The following PHEX variants were observed in gnomAD, a reference collection of about 807,000 sequenced individuals.
PHEX encodes the protein phosphate-regulating neutral endopeptidase PHEX.
PHEX carries 16 observed loss-of-function variants against 68.0 expected under a neutral mutation model. That is an observed-to-expected ratio of 0.24 (90% CI 0.16 to 0.36). The LOEUF is 0.36. Among genes scored for constraint, PHEX ranks in the 10% least tolerant of loss-of-function variants. PHEX has a pLI of 1.00. For synonymous variants in PHEX, 208 were observed against 205.1 expected (o/e 1.01, Z -0.12); for missense variants, 480 against 575.5 (o/e 0.83, Z 1.70).
chrX:22,230,927 C>A (rs1156269833), intron 20 of PHEX, among the ~76,000 whole-genome samples: 1 of 111,733 alleles, frequency 8.9e-6, no homozygotes, highest in Admixed American at 9.5e-5. Flanking sequence ...TCATAAATAG[C>A]TCTTCCAATT....
At chrX:22,037,654 G>A (rs1927087741) in intron 1 of PHEX, among the ~76,000 whole-genome samples, 1 of 110,790 alleles carries the variant, frequency 9.0e-6, no homozygotes, top group South Asian at 3.8e-4. Flanking sequence ...GTGGGGGAAG[G>A]GAGGAAATAG....
At chrX:22,196,424 A>G (rs916598596) in intron 15 of PHEX, among the ~76,000 whole-genome samples, 30 of 111,902 alleles carry the variant, frequency 2.7e-4, no homozygotes, top group African/African-American at 9.1e-4. Flanking sequence ...CTTTGTTGCA[A>G]TTTCTCAACT....
intron 5 of PHEX, among the ~76,000 whole-genome samples, chrX:22,089,182 T>A (rs891265347): frequency 9.9e-5 from 11 of 111,003 alleles, no homozygotes; most frequent in Non-Finnish European, 2.1e-4. Flanking sequence ...CCGCCACACC[T>A]GGCTCATTTT....
chrX:22,066,161 G>A (rs748562473), intron 3 of PHEX, among the ~76,000 whole-genome samples: 11 of 111,842 alleles, frequency 9.8e-5, no homozygotes, highest in Admixed American at 1.9e-4. Context: ...ATGGGAAGGC[G>A]TTTGTAAATG....
chrX:22,092,669 G>A lies in PHEX; in HGVS notation c.733-1314G>A, dbSNP rs747364044. ...ATTACAAGTGTGAGCCACCACCTCC[G>A]GCCAATAAATATGTTTTGAATTGAA... On this transcript the variant is annotated intron_variant, in intron 6 of 21. Coordinates refer to ENST00000379374, the MANE Select transcript of PHEX (RefSeq NM_000444.6). 1.1e-4 allele frequency among the ~76,000 whole-genome samples: 12 copies of A among 109,465 alleles called. No homozygotes were observed. The East Asian group carries it at 1.7e-3, about 16-fold the overall frequency.
Position 22,178,254 on chromosome X carries a change from T to C in PHEX, c.1483-19T>C. 9.5e-7 allele frequency: 1 copy of C among 1,047,495 alleles called. No homozygotes were observed. Among genetic ancestry groups the C allele is most frequent in the Admixed American group, 2.2e-5 (1 of 45,370 alleles). The allele number at this position is 1,047,495 out of a possible 1,213,427, so 86.3% of individuals were successfully genotyped here. A position where few individuals can be genotyped will look rare whatever the true frequency, so the allele number is the denominator to read the frequency against. ...TTATCTTTACTTAGAACAATGATGT[T>C]GTGGTTTGTTTTATTCAGATCAAGT... is the stretch of plus-strand genomic sequence containing the variant. On this transcript the variant is annotated intron_variant, in intron 13 of 21. Coordinates refer to ENST00000379374, the MANE Select transcript of PHEX (RefSeq NM_000444.6).
intron 9 of PHEX, among the ~76,000 whole-genome samples, chrX:22,106,342 G>A (rs1184710359): frequency 1.8e-5 from 2 of 111,751 alleles, no homozygotes; most frequent in African/African-American, 6.5e-5. Flanking sequence ...GCAGAGGTCT[G>A]GTTGTTATGC....
chrX:22,247,743 T>C, intron 21 of PHEX, 108 bp from the exon 22 acceptor site: 1 of 600,894 alleles, frequency 1.7e-6, no homozygotes, highest in Non-Finnish European at 2.8e-6. Flanking sequence ...TGTAAACAGA[T>C]TAAAAGAATG....
intron 18 of PHEX, among the ~76,000 whole-genome samples, chrX:22,224,593 G>A (rs1178456356): frequency 2.7e-5 from 3 of 111,033 alleles, no homozygotes; most frequent in Non-Finnish European, 5.7e-5. Context: ...GGATCTGGTG[G>A]GATATCGACA....
chrX:22,127,873 A>G (rs996072543), intron 11 of PHEX, among the ~76,000 whole-genome samples: 13 of 108,690 alleles, frequency 1.2e-4, no homozygotes, highest in African/African-American at 3.7e-4. Flanking sequence ...GTGTGGATTC[A>G]GGGAAGACAG....
At position 22,219,224 on chromosome X, in the gene PHEX, A is replaced by G. The variant is rs1935189819; in HGVS notation, c.1768+121A>G. ...CATAGCTTGAAGATTATCCAAAGCA[A>G]TATGATTGCTGATTGAAAACTTTTC... On this transcript the variant is annotated intron_variant, in intron 17 of 21. Coordinates refer to ENST00000379374, the MANE Select transcript of PHEX (RefSeq NM_000444.6). 22 of 537,763 alleles carry G rather than the reference A, an allele frequency of 4.1e-5. 1 individual carries two copies. The South Asian group carries it at 6.1e-4, about 15-fold the overall frequency. The allele number at this position is 537,763 out of a possible 1,213,427, so 44.3% of individuals were successfully genotyped here. A position where few individuals can be genotyped will look rare whatever the true frequency, so the allele number is the denominator to read the frequency against.
intron 15 of PHEX, among the ~76,000 whole-genome samples, chrX:22,207,361 A>G (rs952470778): frequency 1.8e-5 from 2 of 112,555 alleles, no homozygotes; most frequent in Non-Finnish European, 3.8e-5. Context: ...ATGCAAGAAC[A>G]AAATAATACT....
At chrX:22,234,915 A>G (rs993734578) in intron 20 of PHEX, among the ~76,000 whole-genome samples, 2 of 111,219 alleles carry the variant, frequency 1.8e-5, no homozygotes, top group Non-Finnish European at 3.8e-5. Context: ...CCAAATGGCC[A>G]CCCAGTTTTG....
At chrX:22,089,205 A>ACT in intron 5 of PHEX, among the ~76,000 whole-genome samples, 1 of 111,040 alleles carries the variant, frequency 9.0e-6, no homozygotes, top group African/African-American at 3.3e-5. Context: ...TATTTTTAGT[A>ACT]GAGACTGGGT....
chrX:22,098,632 C>CA lies in PHEX; in HGVS notation c.934-358dup, dbSNP rs778559963. 8.3e-3 allele frequency among the ~76,000 whole-genome samples: 585 copies of CA among 70,276 alleles called. 3 individuals are homozygous for CA. Among genetic ancestry groups the CA allele is most frequent in the African/African-American group, 0.023 (444 of 19,113 alleles). 61.0% of individuals were successfully genotyped at this position (70,276 alleles called of 115,157 possible). On this transcript the variant is annotated intron_variant, in intron 8 of 21. Coordinates refer to ENST00000379374, the MANE Select transcript of PHEX (RefSeq NM_000444.6). ...TGAAATTCCACCTCTACTAAAAATA[C>CA]AAAAAAAAAAAAAAAATTAGCCAAG...
intron 12 of PHEX, among the ~76,000 whole-genome samples, chrX:22,135,919 T>C (rs1261466093): frequency 2.7e-5 from 3 of 111,992 alleles, no homozygotes; most frequent in African/African-American, 9.7e-5. Flanking sequence ...CCCGACTGTA[T>C]CTTGCATTTC....
chrX:22,168,375 G>A lies in PHEX; in HGVS notation c.1468G>A (p.Glu490Lys). ...TATAATGAATGATACTCATGTTAAT[G>A]AAGACCTCAAAGCTGTAAGTGCTAA... ...EFIMNDTHVN[E>K]DLKAIKFSEA... Residue 490 changes from glutamate to lysine, a missense_variant, in exon 13 of 22, where the codon GAA (glutamate) becomes AAA (lysine). Physicochemically the swap from Glu to Lys is moderately conservative, Grantham distance 56. Coordinates refer to ENST00000379374, the MANE Select transcript of PHEX (RefSeq NM_000444.6). 1 of 1,177,588 alleles carries A rather than the reference G, an allele frequency of 8.5e-7. No homozygotes were observed. The highest frequency in any genetic ancestry group is 1.2e-6 in the Non-Finnish European group (1 of 864,614).
rs1936517079 is a variant in PHEX at position 22,249,652 on chromosome X, G to A, written c.*1699G>A. Reference sequence around the variant, plus strand: ...TCTCTGAATGGATAAACTTGTGAAGGGCAGCTACCTTGTCCTCCTCTTAAC... The same window carrying A: ...TCTCTGAATGGATAAACTTGTGAAGAGCAGCTACCTTGTCCTCCTCTTAAC... On this transcript the variant is annotated 3_prime_UTR_variant, in exon 22 of 22. Coordinates refer to ENST00000379374, the MANE Select transcript of PHEX (RefSeq NM_000444.6). 9.5e-6 allele frequency: 1 copy of A among 105,393 alleles called. No individual in the cohort carries two copies. 8.7% of individuals were successfully genotyped at this position (105,393 alleles called of 1,213,427 possible).
Position 22,249,455 on chromosome X carries a change from A to AAAAAAAAAAATATATATATAT in PHEX, c.*1503_*1504insAAAAAAAAATATATATATATA. On this transcript the variant is annotated 3_prime_UTR_variant, in exon 22 of 22. Coordinates refer to ENST00000379374, the MANE Select transcript of PHEX (RefSeq NM_000444.6). Reference sequence around the variant, plus strand: ...TTGTGATTCTTTTAAAAAAAAAAAAAATATATATATATATATATATATATA... The same window carrying AAAAAAAAAAATATATATATAT: ...TTGTGATTCTTTTAAAAAAAAAAAAAAAAAAAAAAATATATATATATATATATATATATATATATATATATA... The AAAAAAAAAAATATATATATAT allele has an allele frequency of 1.0e-4, 4 of 39,764 alleles. No homozygotes were observed. Among genetic ancestry groups the AAAAAAAAAAATATATATATAT allele is most frequent in the Non-Finnish European group, 1.6e-4 (4 of 24,474 alleles). 3.3% of individuals were successfully genotyped at this position (39,764 alleles called of 1,213,427 possible). A position where few individuals can be genotyped will look rare whatever the true frequency, so the allele number is the denominator to read the frequency against.
Sources: gnomAD v4.1 joint callset for allele counts (sites outside exome capture counted in the v4.1 genomes callset) on GRCh38, gnomAD v4.1.1 for gene constraint, MANE v1.5 for transcripts, NCBI Gene and HGNC (gene_info 2026-07-23, HGNC 2026-07-21) for gene names.